Variants in PDE1A observed in about 807,000 individuals in gnomAD.
PDE1A encodes dual specificity calcium/calmodulin-dependent 3',5'-cyclic nucleotide phosphodiesterase 1A.
Under a neutral mutation model 61.7 loss-of-function variants are expected in PDE1A, and 35 were observed. The observed-to-expected ratio is 0.57, with a 90% confidence interval of 0.43 to 0.75. The LOEUF is 0.75. Ranked by LOEUF, PDE1A falls within the 30% of genes least tolerant of loss-of-function variation. The pLI is 0.00. For missense variants in PDE1A, 597 were observed against 630.6 expected (o/e 0.95, Z 0.57); for synonymous variants, 232 against 213.2 (o/e 1.09, Z -0.77).
chr2:182,426,880 G>A (rs922709414), exon 1 of PDE1A: 10 of 1,281,330 alleles, frequency 7.8e-6, no homozygotes, highest in Non-Finnish European at 2.0e-6. Flanking sequence ...AAACCACCAA[G>A]AGTCACGTTG....
At chr2:182,591,369 T>C in the PDE1A span, among the ~76,000 whole-genome samples, 2 of 152,180 alleles carry the variant, frequency 1.3e-5, no homozygotes, top group South Asian at 2.1e-4. Flanking sequence ...ACTCCAACTA[T>C]CATGTTCCAT....
the PDE1A span, among the ~76,000 whole-genome samples, chr2:182,684,614 A>G: frequency 6.6e-6 from 1 of 152,034 alleles, no homozygotes; most frequent in Non-Finnish European, 1.5e-5. Context: ...GCAGTGGCAC[A>G]ATCTCAGCTC....
At chr2:182,617,303 T>A in the PDE1A span, among the ~76,000 whole-genome samples, 7 of 152,170 alleles carry the variant, frequency 4.6e-5, no homozygotes, top group African/African-American at 1.4e-4. Flanking sequence ...CTTCCCTGTG[T>A]CAACACCCCA....
intron 2 of PDE1A, among the ~76,000 whole-genome samples, chr2:182,443,866 G>T (rs369620410): frequency 9.9e-5 from 15 of 151,738 alleles, no homozygotes; most frequent in Admixed American, 7.9e-4. Context: ...ACCATGCCCG[G>T]CTAATTTTGT....
chr2:182,231,750 C>A (rs572707273), intron 4 of PDE1A, among the ~76,000 whole-genome samples: 1 of 151,788 alleles, frequency 6.6e-6, no homozygotes, highest in African/African-American at 2.4e-5. Context: ...CCCATCTCTA[C>A]AAAAAAATAC....
At chr2:182,192,087 C>T (rs1268415192) in intron 10 of PDE1A, among the ~76,000 whole-genome samples, 1 of 152,006 alleles carries the variant, frequency 6.6e-6, no homozygotes, top group African/African-American at 2.4e-5. Context: ...GAACTCCTGA[C>T]CTCAGGTAGT....
At chr2:182,534,035 C>A in the PDE1A span, among the ~76,000 whole-genome samples, 7 of 151,720 alleles carry the variant, frequency 4.6e-5, no homozygotes, top group African/African-American at 1.7e-4. Context: ...GAACCAGTAT[C>A]AAAAAATGCA....
At chr2:182,543,384 C>T in the PDE1A span, among the ~76,000 whole-genome samples, 3 of 152,268 alleles carry the variant, frequency 2.0e-5, no homozygotes, top group African/African-American at 7.2e-5. Flanking sequence ...GCCACTACAA[C>T]TTGCTATTGT....
the PDE1A span, among the ~76,000 whole-genome samples, chr2:182,590,483 G>A: frequency 6.6e-6 from 1 of 152,048 alleles, no homozygotes; most frequent in African/African-American, 2.4e-5. Flanking sequence ...AAAAATGTGT[G>A]TGCACATGAT....
chr2:182,186,464 A>G lies in PDE1A; in HGVS notation c.1328+4T>C. On this transcript the variant is annotated splice_donor_region_variant and intron_variant, in intron 12 of 13. Coordinates refer to ENST00000351439, the Ensembl canonical transcript of PDE1A. ...AAAATAATGCAAAAAAGAAAATATC[A>G]TACCTGCTTGCCACATAGGAAGAAG... 1 of 1,609,548 alleles carries G rather than the reference A, an allele frequency of 6.2e-7. No individual in the cohort carries two copies. Among genetic ancestry groups the G allele is most frequent in the Non-Finnish European group, 8.5e-7 (1 of 1,179,000 alleles).
the PDE1A span, among the ~76,000 whole-genome samples, chr2:182,599,414 C>T: frequency 0.22 from 32,874 of 151,960 alleles, 3,837 homozygotes; most frequent in Middle Eastern, 0.32. Flanking sequence ...TTTTATGACC[C>T]AGCCTCCATA....
At chr2:182,560,764 T>A in the PDE1A span, among the ~76,000 whole-genome samples, 1 of 151,906 alleles carries the variant, frequency 6.6e-6, no homozygotes, top group African/African-American at 2.4e-5. Flanking sequence ...TTCTAACTAG[T>A]GTGAGATGGT....
At chr2:182,630,569 C>A in the PDE1A span, among the ~76,000 whole-genome samples, 2 of 151,452 alleles carry the variant, frequency 1.3e-5, no homozygotes, top group Non-Finnish European at 2.9e-5. Context: ...AAAAAAAAAA[C>A]TTACCTGATT....
the PDE1A span, among the ~76,000 whole-genome samples, chr2:182,680,630 G>C: frequency 1.3e-5 from 2 of 152,168 alleles, no homozygotes; most frequent in Non-Finnish European, 2.9e-5. Flanking sequence ...TGAGTTACTA[G>C]GAAATGGTAC....
chr2:182,434,207 T>C (rs866764966), intron 2 of PDE1A, among the ~76,000 whole-genome samples: 5 of 152,114 alleles, frequency 3.3e-5, no homozygotes, highest in Admixed American at 1.3e-4. Flanking sequence ...TATATGTGAC[T>C]GTAAGACCCT....
intron 1 of PDE1A, among the ~76,000 whole-genome samples, chr2:182,392,248 G>C (rs1006092099): frequency 2.0e-5 from 3 of 152,158 alleles, no homozygotes; most frequent in Non-Finnish European, 4.4e-5. Context: ...AGGAACAAAG[G>C]CACCTCTTAC....
chr2:182,290,081 T>A (rs1220768077), intron 1 of PDE1A, among the ~76,000 whole-genome samples: 1 of 152,104 alleles, frequency 6.6e-6, no homozygotes, highest in African/African-American at 2.4e-5. Context: ...AACTGTCAAT[T>A]GTGGAATTAA....
chr2:182,277,543 A>G (rs1458738522), intron 1 of PDE1A, among the ~76,000 whole-genome samples: 2 of 152,060 alleles, frequency 1.3e-5, no homozygotes, highest in African/African-American at 4.8e-5. Flanking sequence ...CTTCTCTTGT[A>G]AGTTCATATC....
chr2:182,432,694 T>C (rs1042204509), intron 2 of PDE1A, among the ~76,000 whole-genome samples: 2 of 152,084 alleles, frequency 1.3e-5, no homozygotes, highest in African/African-American at 4.8e-5. Context: ...ATCTTTCATA[T>C]TTCCTCCAGC....
Sources: gnomAD v4.1 joint callset for allele counts (sites outside exome capture counted in the v4.1 genomes callset) on GRCh38, gnomAD v4.1.1 for gene constraint, MANE v1.5 for transcripts, NCBI Gene and HGNC (gene_info 2026-07-23, HGNC 2026-07-21) for gene names.